PREB: variants seen among roughly 807,000 people sequenced by gnomAD.
The protein encoded by PREB is prolactin regulatory element binding.
PREB carries 29 observed loss-of-function variants against 46.7 expected under a neutral mutation model. The ratio of observed to expected loss-of-function variants is 0.62; its 90% CI spans 0.46 to 0.85. PREB has a LOEUF of 0.85. Ranked by LOEUF, PREB falls within the 40% of genes least tolerant of loss-of-function variation. The pLI is 0.00. For missense variants in PREB, 494 were observed against 528.4 expected (o/e 0.93, Z 0.64); for synonymous variants, 224 against 220.1 (o/e 1.02, Z -0.16).
At position 27,131,205 on chromosome 2, in the gene PREB, C is replaced by T. The variant is rs1325874151; in HGVS notation, c.*209G>A. On this transcript the variant is annotated 3_prime_UTR_variant, in exon 9 of 9. Coordinates refer to ENST00000260643, the MANE Select transcript of PREB (RefSeq NM_013388.6). Reference sequence around the variant, plus strand: ...CAGATACCGCTGTTCTGGATGGATCCACAGATGACGAAGGCAAGGTTCCTG... The same window carrying T: ...CAGATACCGCTGTTCTGGATGGATCTACAGATGACGAAGGCAAGGTTCCTG... 1 of 601,986 alleles carries T rather than the reference C, an allele frequency of 1.7e-6. No homozygotes were observed. Among genetic ancestry groups the T allele is most frequent in the Non-Finnish European group, 2.9e-6 (1 of 340,272 alleles). The allele number at this position is 601,986 out of a possible 1,614,324, so 37.3% of individuals were successfully genotyped here.
At position 27,131,299 on chromosome 2, in the gene PREB, TG is replaced by T; in HGVS notation, c.*114del. On this transcript the variant is annotated 3_prime_UTR_variant, in exon 9 of 9. Coordinates refer to ENST00000260643, the MANE Select transcript of PREB (RefSeq NM_013388.6). ...AAGGGCAGGCAGTGCCCATTCATCT[TG>T]TCAGCGGCAACCTCAGCTGTGGACC... is the stretch of plus-strand genomic sequence containing the variant. The T allele has an allele frequency of 1.0e-6, 1 of 961,830 alleles. No individual in the cohort carries two copies. Among genetic ancestry groups the T allele is most frequent in the Non-Finnish European group, 1.6e-6 (1 of 624,208 alleles). The allele number at this position is 961,830 out of a possible 1,614,324, so 59.6% of individuals were successfully genotyped here. A position where few individuals can be genotyped will look rare whatever the true frequency, so the allele number is the denominator to read the frequency against.
chr2:27,134,279 G>A lies in PREB; in HGVS notation c.135+8C>T. The A allele has an allele frequency of 6.3e-7, 1 of 1,597,058 alleles. No individual in the cohort carries two copies. Among genetic ancestry groups the A allele is most frequent in the Non-Finnish European group, 8.5e-7 (1 of 1,173,294 alleles). ...CAAGACCCAGCCCCAGTGGCCCTGC[G>A]CTCTCACCACGCCATTCTTTATGCC... On this transcript the variant is annotated splice_region_variant and intron_variant, in intron 1 of 8. Coordinates refer to ENST00000260643, the MANE Select transcript of PREB (RefSeq NM_013388.6).
chr2:27,132,434 C>T lies in PREB; in HGVS notation c.753-31G>A, dbSNP rs775397548. On this transcript the variant is annotated intron_variant, in intron 5 of 8. Transcript: ENST00000260643. The surrounding 1 kb of genome is among the most constrained non-coding windows in gnomAD (Gnocchi z 4.0). ...GGCCGGATGAGGGGCTATTCAGCTCCTAGGGCCTGCCCAACCCTCCTCAGA... is the reference window on the plus strand; with the variant it reads ...GGCCGGATGAGGGGCTATTCAGCTCTTAGGGCCTGCCCAACCCTCCTCAGA... 1.2e-6 allele frequency: 2 copies of T among 1,601,252 alleles called. No homozygotes were observed. Among genetic ancestry groups the T allele is most frequent in the Non-Finnish European group, 1.7e-6 (2 of 1,173,876 alleles).
chr2:27,133,172 T>C lies in PREB; in HGVS notation c.491A>G (p.His164Arg), dbSNP rs1672355558. ...DPLQKVVCFN[H>R]DNTLLATGGT... ...TCCAGTGGCAAGCAGGGTATTATCG[T>C]GGTTGAAGCACACAACTTTCTGCAG... is the stretch of plus-strand genomic sequence containing the variant. Residue 164 changes from histidine (H) to arginine (R), a missense_variant, in exon 3 of 9, where the codon CAC (histidine) becomes CGC (arginine). His to Arg is a conservative substitution (Grantham distance 29). Transcript: ENST00000260643. The C allele has an allele frequency of 1.2e-6, 2 of 1,614,112 alleles. No homozygotes were observed. Among genetic ancestry groups the C allele is most frequent in the African/African-American group, 2.7e-5 (2 of 74,946 alleles).
Position 27,130,876 on chromosome 2 carries a change from C to T in PREB, c.*538G>A, listed in dbSNP as rs186368898. 1,050 of 1,081,442 alleles carry T rather than the reference C, an allele frequency of 9.7e-4. 2 individuals are homozygous for T. The highest frequency in any genetic ancestry group is 1.3e-3 in the Non-Finnish European group (974 of 756,474). 67.0% of individuals were successfully genotyped at this position (1,081,442 alleles called of 1,614,324 possible). A position where few individuals can be genotyped will look rare whatever the true frequency, so the allele number is the denominator to read the frequency against. ...TAGACTACCTAGGAACTTATTGCAT[C>T]TTTAGGCCAGCTGGCTTAGTGCTAC... On this transcript the variant is annotated 3_prime_UTR_variant, in exon 9 of 9. Transcript: ENST00000260643.
In PREB at chr2:27,131,177, C is replaced by A. The variant is rs1278622774; in HGVS notation, c.*237G>T. 1.8e-6 allele frequency: 1 copy of A among 571,086 alleles called. No individual in the cohort carries two copies. Among genetic ancestry groups the A allele is most frequent in the Admixed American group, 3.1e-5 (1 of 32,072 alleles). The allele number at this position is 571,086 out of a possible 1,614,324, so 35.4% of individuals were successfully genotyped here. A position where few individuals can be genotyped will look rare whatever the true frequency, so the allele number is the denominator to read the frequency against. The stretch of plus-strand genomic sequence containing the variant: ...AAGGAGGCAGGGAGTATGGCCTGGG[C>A]TTCAGATACCGCTGTTCTGGATGGA... On this transcript the variant is annotated 3_prime_UTR_variant, in exon 9 of 9. Transcript: ENST00000260643.
rs1399772913 is a variant in PREB at position 27,132,987 on chromosome 2, A to AC, written c.547-65dup. On this transcript the variant is annotated intron_variant, in intron 3 of 8. Transcript: ENST00000260643. The surrounding 1 kb of genome is among the most constrained non-coding windows in gnomAD (Gnocchi z 4.0). ...AGCAAGTACACTGTGACTGATGCCCACGCCACCCCTTCTAATGGCCCCTCA... is the reference window on the plus strand; with the variant it reads ...AGCAAGTACACTGTGACTGATGCCCACCGCCACCCCTTCTAATGGCCCCTCA... 11 of 1,591,694 alleles carry AC rather than the reference A, an allele frequency of 6.9e-6. No individual in the cohort carries two copies. The highest frequency in any genetic ancestry group is 8.6e-7 in the Non-Finnish European group (1 of 1,160,684).
chr2:27,132,548 T>TC lies in PREB; in HGVS notation c.752+54dup. 6.2e-7 allele frequency: 1 copy of TC among 1,608,932 alleles called. No homozygotes were observed. Among genetic ancestry groups the TC allele is most frequent in the Non-Finnish European group, 8.5e-7 (1 of 1,177,458 alleles). On this transcript the variant is annotated intron_variant, in intron 5 of 8. Coordinates refer to ENST00000260643, the MANE Select transcript of PREB (RefSeq NM_013388.6). This position sits in a 1 kb window ranked among gnomAD's most constrained non-coding sequence, Gnocchi z 4.0. ...TCTCCCATCCCCAGTCTTTTCCCTC[T>TC]CCCCCACCACAGCTGGGCTATGCCT...
chr2:27,132,851 C>G lies in PREB; in HGVS notation c.619G>C (p.Asp207His). The change falls in exon 4 of 9, where the codon GAT becomes CAT. Residue 207 changes from aspartate to histidine, a missense_variant. Coordinates refer to ENST00000260643, the MANE Select transcript of PREB (RefSeq NM_013388.6). This position sits in a 1 kb window ranked among gnomAD's most constrained non-coding sequence, Gnocchi z 4.0. ...CACCCCCAGCCCCTCACCTTGCCAT[C>G]AGGCCCTAAAGCCAGGTCTTCAATC... ...GEIEDLALGP[D>H]GKLVTVGRDL... 6.2e-7 allele frequency: 1 copy of G among 1,613,904 alleles called. No individual in the cohort carries two copies. Among genetic ancestry groups the G allele is most frequent in the Non-Finnish European group, 8.5e-7 (1 of 1,179,846 alleles).
chr2:27,133,363 TC>T (rs778102747), intron 2 of PREB, 26 bp from the exon 3 acceptor site: 112 of 1,613,016 alleles, frequency 6.9e-5, no homozygotes, highest in Admixed American at 2.2e-4. Flanking sequence ...TTGGCCAGGT[TC>T]CAGGCTTCTA....
Position 27,133,102 on chromosome 2 carries a change from C to T in PREB, c.546+15G>A. 6.2e-7 allele frequency: 1 copy of T among 1,613,242 alleles called. No individual in the cohort carries two copies. Among genetic ancestry groups the T allele is most frequent in the Non-Finnish European group, 8.5e-7 (1 of 1,179,174 alleles). On this transcript the variant is annotated intron_variant, in intron 3 of 8. Coordinates refer to ENST00000260643, the MANE Select transcript of PREB (RefSeq NM_013388.6). Reference sequence around the variant, plus strand: ...GCTACTGACATTCACCCTCCCTAACCCTGCAAACCCACACCTTCCAGACAC... The same window carrying T: ...GCTACTGACATTCACCCTCCCTAACTCTGCAAACCCACACCTTCCAGACAC...
Position 27,134,383 on chromosome 2 carries a change from C to G in PREB, c.39G>C (p.Pro13=). The change falls in exon 1 of 9, where the codon CCG becomes CCC. Residue 13 remains proline, a synonymous_variant. Transcript: ENST00000260643. ...CGACCTGAAGCGCGTACAACGGGAA[C>G]GGAGCCCGGTACAGCTCTGGCGCCC... ...RRRAPELYRA[P]FPLYALQVDP... is the part of the protein sequence containing the mutation. 6.2e-7 allele frequency: 1 copy of G among 1,609,736 alleles called. No homozygotes were observed. Among genetic ancestry groups the G allele is most frequent in the East Asian group, 2.2e-5 (1 of 44,650 alleles).
In PREB at chr2:27,131,067, C is replaced by T. The variant is rs1483720539; in HGVS notation, c.*347G>A. ...GGAGAAACTGTTTCTGCAGGAAGGA[C>T]AGCAGTGCCTCCAGGCTCTTGGGCA... On this transcript the variant is annotated 3_prime_UTR_variant, in exon 9 of 9. Transcript: ENST00000260643. The T allele has an allele frequency of 3.9e-6, 2 of 516,302 alleles. No homozygotes were observed. The highest frequency in any genetic ancestry group is 7.0e-6 in the Non-Finnish European group (2 of 287,420). 32.0% of individuals were successfully genotyped at this position (516,302 alleles called of 1,614,324 possible).
intron 1 of PREB, chr2:27,133,957 C>A: frequency 1.6e-6 from 1 of 607,982 alleles, no homozygotes; most frequent in Non-Finnish European, 2.8e-6. Flanking sequence ...TAGCCTAAAC[C>A]CAAATGCACC....
At chr2:27,133,993 C>T in intron 1 of PREB, 1 of 606,960 alleles carries the variant, frequency 1.6e-6, no homozygotes, top group Non-Finnish European at 2.8e-6. Flanking sequence ...AGAGGGCAGG[C>T]AAGACCTCCC....
chr2:27,133,047 C>G (rs771382240), intron 3 of PREB, 70 bp downstream of exon 3: 1 of 1,588,472 alleles, frequency 6.3e-7, no homozygotes, highest in Non-Finnish European at 8.6e-7. Flanking sequence ...CCAGATGCCA[C>G]GTTCAACTTC....
In PREB at chr2:27,133,267, G is replaced by A; in HGVS notation, c.396C>T (p.Thr132=). The part of the protein sequence containing the change: ...APAEKKCGAE[T]QHEGLELRVE... ...CCCTGAGTTCTAGCCCCTCGTGCTG[G>A]GTTTCCGCTCCACATTTCTTCTCTG... Residue 132 remains threonine, a synonymous_variant, in exon 3 of 9, where the codon ACC becomes ACT. Transcript: ENST00000260643. The A allele has an allele frequency of 1.2e-6, 2 of 1,614,198 alleles. No homozygotes were observed. Among genetic ancestry groups the A allele is most frequent in the South Asian group, 1.1e-5 (1 of 91,082 alleles).
chr2:27,133,987 G>A (rs1382190387), intron 1 of PREB: 4 of 604,262 alleles, frequency 6.6e-6, no homozygotes, highest in East Asian at 2.9e-5. Context: ...GCTGCTAGAG[G>A]GCAGGCAAGA....
chr2:27,133,727 G>T lies in PREB; in HGVS notation c.136-6C>A, dbSNP rs1269474540. 1 of 1,613,240 alleles carries T rather than the reference G, an allele frequency of 6.2e-7. No individual in the cohort carries two copies. The highest frequency in any genetic ancestry group is 1.3e-5 in the African/African-American group (1 of 74,934). ...AGCTCTAGCTGCAGAAAGTGCTGTG[G>T]GAGGGGGAACCCGGATGAGCAAGTT... On this transcript the variant is annotated splice_region_variant and splice_polypyrimidine_tract_variant and intron_variant, in intron 1 of 8. Coordinates refer to ENST00000260643, the MANE Select transcript of PREB (RefSeq NM_013388.6).
Sources: allele counts gnomAD v4.1 joint callset, GRCh38; gene constraint gnomAD v4.1.1; non-coding constraint Gnocchi (gnomAD v3.1); transcripts MANE v1.5; gene names NCBI Gene and HGNC (gene_info 2026-07-23, HGNC 2026-07-21).